Variants in EMC1 observed in about 807,000 individuals in gnomAD.
The protein encoded by EMC1 is KIAA0090.
A neutral mutation model predicts 128.8 loss-of-function variants in EMC1; 103 were observed. That is an observed-to-expected ratio of 0.80 (90% confidence interval 0.68 to 0.94). The LOEUF (loss-of-function observed/expected upper bound fraction) is 0.94, where lower values mean the gene tolerates loss of function less well. Ranked by LOEUF, EMC1 falls within the 40% of genes least tolerant of loss-of-function variation. The pLI, the probability that EMC1 is intolerant of heterozygous loss-of-function variation, is 0.00. For missense variants in EMC1, 1,083 were observed against 1,250.6 expected (o/e 0.87, Z 2.02); for synonymous variants, 442 against 490.4 (o/e 0.90, Z 1.30).
intron 2 of EMC1, 192 bp downstream of exon 2, chr1:19,244,714 G>A (rs1230772418): frequency 8.7e-5 from 47 of 538,020 alleles, no homozygotes; most frequent in Admixed American, 7.7e-4. Flanking sequence ...AGAACAAACC[G>A]CAAAGGTCAG....
chr1:19,247,829 A>G (rs1434073243), intron 1 of EMC1, among the ~76,000 whole-genome samples: 2 of 152,194 alleles, frequency 1.3e-5, no homozygotes, highest in Admixed American at 6.5e-5. Context: ...GTTCAAGAAC[A>G]GCCTGGCCAA....
At chr1:19,233,460 G>A (rs1427168076) in intron 13 of EMC1, among the ~76,000 whole-genome samples, 1 of 152,240 alleles carries the variant, frequency 6.6e-6, no homozygotes, top group East Asian at 1.9e-4. Flanking sequence ...CCACATCCAA[G>A]ATGCTAAAAG....
At position 19,251,493 on chromosome 1, in the gene EMC1, GC is replaced by G; in HGVS notation, c.16del (p.Ala6LeufsTer11). 3.1e-6 allele frequency: 5 copies of G among 1,614,122 alleles called. No individual in the cohort carries two copies. Among genetic ancestry groups the G allele is most frequent in the Non-Finnish European group, 4.2e-6 (5 of 1,180,032 alleles). ...CGTAGCCCAAAGCCAGAAACGAGAA[GC>G]CCACTCAGCCGCCATGATGCGAGCG... The part of the protein sequence containing the change: MAAEW[A>X]SRFWLWATLL... On this transcript the variant is annotated frameshift_variant, in exon 1 of 23. Coordinates refer to ENST00000477853, the MANE Select transcript of EMC1 (RefSeq NM_015047.3). LOFTEE classifies it high-confidence loss of function.
chr1:19,250,413 A>G (rs1048205316), intron 1 of EMC1, among the ~76,000 whole-genome samples: 1 of 152,106 alleles, frequency 6.6e-6, no homozygotes, highest in African/African-American at 2.4e-5. Context: ...GCAAAATTAG[A>G]TACACATATC....
rs541409569 is a variant in EMC1 at position 19,228,073 on chromosome 1, C to T, written c.2065-623G>A. 7.8e-4 allele frequency among the ~76,000 whole-genome samples: 118 copies of T among 151,932 alleles called. 2 individuals are homozygous for T. Among genetic ancestry groups the T allele is most frequent in the East Asian group, 1.4e-3 (7 of 5,162 alleles). ...ATGCAAAATTAGCCGGGTGTGGTGG[C>T]GCATGCTTTTAATCCCAGGTACTCA... On this transcript the variant is annotated intron_variant, in intron 17 of 22. Transcript: ENST00000477853.
intron 4 of EMC1, among the ~76,000 whole-genome samples, chr1:19,242,691 TG>T (rs1163763794): frequency 1.3e-5 from 2 of 152,200 alleles, no homozygotes; most frequent in African/African-American, 4.8e-5. Context: ...TGAAACCATC[TG>T]TATCTCCTAA....
At position 19,219,308 on chromosome 1, in the gene EMC1, G is replaced by T. The variant is rs758888994; in HGVS notation, c.2977C>A (p.Arg993=). ...AQVKLLNRAW[R] ...TTAGGCACAGTCTTTGTTCTTTATC[G>T]CCAGGCCCGATTCAGGAGCTTCACC... The change falls in exon 23 of 23, where the codon CGA becomes AGA. Residue 993 remains arginine (R), a synonymous_variant. Transcript: ENST00000477853. The T allele has an allele frequency of 6.2e-7, 1 of 1,613,824 alleles. No homozygotes were observed.
chr1:19,236,195 G>A (rs115789807), intron 12 of EMC1, among the ~76,000 whole-genome samples: 1,697 of 152,042 alleles, frequency 0.011, 17 homozygotes, highest in South Asian at 0.024. Context: ...GGGCCAACAT[G>A]GTGAAACCCT....
At position 19,222,628 on chromosome 1, in the gene EMC1, C is replaced by T. The variant is rs763845478; in HGVS notation, c.2583G>A (p.Leu861=). The T allele has an allele frequency of 1.9e-6, 3 of 1,613,526 alleles. No homozygotes were observed. Among genetic ancestry groups the T allele is most frequent in the African/African-American group, 1.3e-5 (1 of 75,026 alleles). The stretch of plus-strand genomic sequence containing the variant: ...AGAGGCTCCCCAGTCACTCACTCAG[C>T]AGGTGTCGGCTGGTGATGCCCCGTT... ...ITERGITSRH[L]LIGLPSGAIL... Residue 861 remains leucine, a synonymous_variant, in exon 20 of 23, where the codon CTG becomes CTA. Coordinates refer to ENST00000477853, the MANE Select transcript of EMC1 (RefSeq NM_015047.3).
At chr1:19,241,260 T>C (rs1433260285) in intron 5 of EMC1, 118 bp from the exon 6 acceptor site, 3 of 1,222,608 alleles carry the variant, frequency 2.5e-6, no homozygotes, top group Non-Finnish European at 3.4e-6. Context: ...TAGGTTTTGT[T>C]TGGCTCACAC....
chr1:19,222,694 G>A lies in EMC1; in HGVS notation c.2517C>T (p.Ile839=), dbSNP rs768264250. The A allele has an allele frequency of 6.8e-6, 11 of 1,614,092 alleles. No individual in the cohort carries two copies. Among genetic ancestry groups the A allele is most frequent in the Admixed American group, 1.7e-5 (1 of 60,000 alleles). ...QLPQVLQQSY[I]FPSSISAMEA... ...CCATGGCACTGATGGAGGACGGGAAGATATAGGACTGCTGGAGGACCTGGG... is the reference window on the plus strand; with the variant it reads ...CCATGGCACTGATGGAGGACGGGAAAATATAGGACTGCTGGAGGACCTGGG... The change falls in exon 20 of 23, where the codon ATC becomes ATT. Residue 839 remains isoleucine, a synonymous_variant. Transcript: ENST00000477853.
intron 5 of EMC1, among the ~76,000 whole-genome samples, chr1:19,242,108 C>T (rs1469344720): frequency 1.2e-4 from 19 of 152,150 alleles, no homozygotes; most frequent in Admixed American, 1.2e-3. Context: ...CGTAGCATGG[C>T]TCGCCCTAGC....
chr1:19,241,913 T>C (rs1170467693), intron 5 of EMC1, among the ~76,000 whole-genome samples: 1 of 152,188 alleles, frequency 6.6e-6, no homozygotes, highest in Admixed American at 6.5e-5. Flanking sequence ...CCAATTTCGA[T>C]GCTTTCTACC....
In EMC1 at chr1:19,225,245, G is replaced by A. The variant is rs371645923; in HGVS notation, c.2203-1676C>T. Among the ~76,000 whole-genome samples the A allele has an allele frequency of 3.4e-4, 52 of 152,306 alleles. No homozygotes were observed. In the South Asian group the frequency reaches 7.0e-3, roughly 21 times the overall value. ...AAACTGCTTGCTGCTGGCCGGGTGCGGTGGCTCATGCCTGTAATCCTAACA... is the reference window on the plus strand; with the variant it reads ...AAACTGCTTGCTGCTGGCCGGGTGCAGTGGCTCATGCCTGTAATCCTAACA... On this transcript the variant is annotated intron_variant, in intron 18 of 22. Transcript: ENST00000477853.
intron 10 of EMC1, 148 bp downstream of exon 10, chr1:19,238,647 G>C: frequency 1.6e-6 from 1 of 630,890 alleles, no homozygotes; most frequent in Non-Finnish European, 2.8e-6. Context: ...GAGATTAAGA[G>C]AAACATCATT....
Position 19,239,741 on chromosome 1 carries a change from T to C in EMC1, c.954+77A>G, listed in dbSNP as rs889352023. 2.0e-6 allele frequency: 3 copies of C among 1,488,026 alleles called. No individual in the cohort carries two copies. In the African/African-American group the frequency reaches 4.2e-5, roughly 21 times the overall value. 92.2% of individuals were successfully genotyped at this position (1,488,026 alleles called of 1,614,324 possible). A position where few individuals can be genotyped will look rare whatever the true frequency, so the allele number is the denominator to read the frequency against. On this transcript the variant is annotated intron_variant, in intron 8 of 22. Transcript: ENST00000477853. ...GGCCTAAGAGCAAACGTTTCCAGAT[T>C]CAAAAGCACTGCCTTCTAGCATCCA... is the stretch of plus-strand genomic sequence containing the variant.
At chr1:19,220,599 G>C (rs1402532551) in intron 21 of EMC1, 165 bp downstream of exon 21, 9 of 506,034 alleles carry the variant, frequency 1.8e-5, no homozygotes, top group Non-Finnish European at 2.9e-5. Context: ...TTTCCCAGCA[G>C]ACTGTAAGCT....
rs2151949460 is a variant in EMC1 at position 19,232,730 on chromosome 1, T to C, written c.1676A>G (p.Gln559Arg). ...ESSSGTILWKQYLPNVKPDSS... is the reference protein window; with the variant it reads ...ESSSGTILWKRYLPNVKPDSS... ...GTCTGGCTTGACATTGGGTAGATACTGTTTCCACAGGATGGTGCCAGAGCT... is the reference window on the plus strand; with the variant it reads ...GTCTGGCTTGACATTGGGTAGATACCGTTTCCACAGGATGGTGCCAGAGCT... Residue 559 changes from glutamine to arginine, a missense_variant, in exon 15 of 23, where the codon CAG becomes CGG. Physicochemically the swap from Gln to Arg is conservative, Grantham distance 43 (BLOSUM62 1). This residue lies in a region of EMC1 where 527 missense variants were observed against 644.1 expected (regional missense o/e 0.82). Coordinates refer to ENST00000477853, the MANE Select transcript of EMC1 (RefSeq NM_015047.3). 6.2e-7 allele frequency: 1 copy of C among 1,614,194 alleles called. No individual in the cohort carries two copies. The highest frequency in any genetic ancestry group is 8.5e-7 in the Non-Finnish European group (1 of 1,180,014).
intron 12 of EMC1, among the ~76,000 whole-genome samples, chr1:19,236,076 T>C (rs2093561220): frequency 6.6e-6 from 1 of 151,904 alleles, no homozygotes. Flanking sequence ...CAAGTTATTC[T>C]TCAAAAGCAG....
Sources: allele counts gnomAD v4.1 joint callset (sites outside exome capture counted in the v4.1 genomes callset), GRCh38; gene constraint gnomAD v4.1.1; regional missense constraint gnomAD v4.1.1; transcripts MANE v1.5; gene names NCBI Gene and HGNC (gene_info 2026-07-23, HGNC 2026-07-21).